CALD1: variants seen among roughly 807,000 people sequenced by gnomAD.
CALD1 encodes the protein caldesmon 1.
A neutral mutation model predicts 99.9 loss-of-function variants in CALD1; 33 were observed. The observed-to-expected ratio is 0.33, with a 90% CI of 0.25 to 0.44. CALD1 has a LOEUF of 0.44. CALD1 is among the 20% of genes least tolerant of loss of function. The pLI is 1.00. For synonymous variants in CALD1, 310 were observed against 325.0 expected, an observed-to-expected ratio of 0.95 and a Z score of 0.50; for missense variants, 861 against 962.1, an observed-to-expected ratio of 0.89 and a Z score of 1.39.
intron 3 of CALD1, among the ~76,000 whole-genome samples, chr7:134,916,535 A>G (rs752758765): frequency 4.9e-4 from 74 of 152,232 alleles, no homozygotes; most frequent in Non-Finnish European, 1.6e-4. Context: ...CACATTAAGC[A>G]GAGCCTGTCT....
In CALD1 at chr7:134,970,390, A is replaced by G. The variant is rs1808963690; in HGVS notation, c.*2045A>G. The G allele has an allele frequency of 1.3e-5, 2 of 152,670 alleles. No homozygotes were observed. The highest frequency in any genetic ancestry group is 4.1e-4 in the South Asian group (2 of 4,832). 9.5% of individuals were successfully genotyped at this position (152,670 alleles called of 1,614,324 possible). On this transcript the variant is annotated 3_prime_UTR_variant, in exon 15 of 15. Transcript: ENST00000361675. ...GACTTTTATTCCAATATTTGGATGG[A>G]GTAAGTTTTAGGGTAGAATTTTGTT...
chr7:134,749,211 A>G (rs997155475), intron 1 of CALD1, among the ~76,000 whole-genome samples: 2 of 152,248 alleles, frequency 1.3e-5, no homozygotes, highest in South Asian at 4.1e-4. Flanking sequence ...ATGAGGCCCA[A>G]TGAATGAAAA....
chr7:134,945,780 A>G (rs969719646), intron 7 of CALD1, among the ~76,000 whole-genome samples: 2 of 152,206 alleles, frequency 1.3e-5, no homozygotes, highest in African/African-American at 4.8e-5. Context: ...AAAATTCACA[A>G]ATTGAAGCCA....
intron 14 of CALD1, among the ~76,000 whole-genome samples, chr7:134,967,282 T>A (rs1486422345): frequency 6.8e-6 from 1 of 148,034 alleles, no homozygotes; most frequent in Non-Finnish European, 1.5e-5. Context: ...TCTACAGTAG[T>A]AATAATATAA....
the CALD1 span, among the ~76,000 whole-genome samples, chr7:134,734,371 T>C: frequency 0.039 from 5,961 of 152,144 alleles, 241 homozygotes; most frequent in East Asian, 0.11. Flanking sequence ...GTTTTTACTA[T>C]GGAAATGCTT....
chr7:134,809,942 T>A (rs1376075479), intron 1 of CALD1, among the ~76,000 whole-genome samples: 2 of 152,152 alleles, frequency 1.3e-5, no homozygotes, highest in African/African-American at 4.8e-5. Context: ...ACCCTTGAGT[T>A]TAAGGGTTTT....
Position 134,933,972 on chromosome 7 carries a change from G to C in CALD1, c.1203G>C (p.Glu401Asp), listed in dbSNP as rs752498924. The C allele has an allele frequency of 6.2e-6, 10 of 1,614,092 alleles. No individual in the cohort carries two copies. Among genetic ancestry groups the C allele is most frequent in the South Asian group, 1.1e-5 (1 of 91,078 alleles). ...AAGAGAAAAAACATGCCATGCAAGA[G>C]ACAAAGATAAAAGGGGAAAAGGTAG... The part of the protein sequence containing the change: ...QLEEKKHAMQ[E>D]TKIKGEKVEQ... The change falls in exon 5 of 15, where the codon GAG becomes GAC. Residue 401 changes from glutamate to aspartate, a missense_variant. Physicochemically the swap from Glu to Asp is conservative, Grantham distance 45. Coordinates refer to ENST00000361675, the MANE Select transcript of CALD1 (RefSeq NM_033138.4).
the CALD1 span, among the ~76,000 whole-genome samples, chr7:134,716,089 G>T: frequency 3.6e-4 from 55 of 152,224 alleles, no homozygotes; most frequent in African/African-American, 1.3e-3. Flanking sequence ...AATATAGTGA[G>T]AATAAAAATA....
At chr7:134,935,525 TCCCA>T in intron 5 of CALD1, among the ~76,000 whole-genome samples, 159 bp from the exon 6 acceptor site, 1 of 152,226 alleles carries the variant, frequency 6.6e-6, no homozygotes, top group South Asian at 2.1e-4. Flanking sequence ...GAAGAAAATA[TCCCA>T]CCTTGCTGTT....
the CALD1 span, among the ~76,000 whole-genome samples, chr7:134,736,337 T>C: frequency 6.6e-6 from 1 of 152,176 alleles, no homozygotes; most frequent in Admixed American, 6.5e-5. Flanking sequence ...AATACTTGCC[T>C]ATGTCTGTAA....
chr7:134,958,346 A>C (rs1385387818), intron 11 of CALD1, 56 bp downstream of exon 11: 15 of 1,331,906 alleles, frequency 1.1e-5, no homozygotes, highest in Admixed American at 1.7e-5. Context: ...TTCTGACTAC[A>C]TAGAAGAGCA....
At chr7:134,895,625 G>A (rs571832893) in intron 3 of CALD1, among the ~76,000 whole-genome samples, 11 of 152,178 alleles carry the variant, frequency 7.2e-5, no homozygotes, top group African/African-American at 2.4e-4. Flanking sequence ...AGAGTAACAG[G>A]ACACCCATTT....
At chr7:134,742,119 A>G (rs1019762258), upstream of CALD1, among the ~76,000 whole-genome samples, 2 of 152,172 alleles carry the variant, frequency 1.3e-5, no homozygotes, top group Non-Finnish European at 1.5e-5. Context: ...GAACTGGAAC[A>G]GTCATTTCCT....
chr7:134,747,747 G>C (rs1796648557), intron 1 of CALD1, among the ~76,000 whole-genome samples: 1 of 152,238 alleles, frequency 6.6e-6, no homozygotes, highest in African/African-American at 2.4e-5. Context: ...GGGCATGGCT[G>C]CCTCTACCTG....
intron 3 of CALD1, among the ~76,000 whole-genome samples, chr7:134,868,644 A>G (rs1364701793): frequency 2.6e-5 from 4 of 152,230 alleles, no homozygotes; most frequent in Non-Finnish European, 5.9e-5. Flanking sequence ...CTGGAAACTT[A>G]CACCTATAAT....
At chr7:134,885,954 G>T (rs564544174) in intron 3 of CALD1, among the ~76,000 whole-genome samples, 2 of 152,106 alleles carry the variant, frequency 1.3e-5, no homozygotes, top group East Asian at 3.9e-4. Flanking sequence ...ACCGTTTATT[G>T]TTTTAAAGAT....
At chr7:134,838,424 G>A (rs1799527770) in intron 1 of CALD1, among the ~76,000 whole-genome samples, 2 of 152,184 alleles carry the variant, frequency 1.3e-5, no homozygotes, top group African/African-American at 4.8e-5. Flanking sequence ...GAAATAATTT[G>A]GGGAAGGTGG....
chr7:134,868,099 T>C (rs1293012617), intron 3 of CALD1: 1 of 186,906 alleles, frequency 5.4e-6, no homozygotes, highest in East Asian at 1.3e-4. Flanking sequence ...AAAAGTAATG[T>C]GTGAATGAAG....
At position 134,970,515 on chromosome 7, in the gene CALD1, T is replaced by C. The variant is rs1808971467; in HGVS notation, c.*2170T>C. On this transcript the variant is annotated 3_prime_UTR_variant, in exon 15 of 15. Transcript: ENST00000361675. The stretch of plus-strand genomic sequence containing the variant: ...AGGTAAAACTGCAAGCTGACTAGCA[T>C]GTTCTGTGAATCTGCCATTCCTAAA... 1 of 152,680 alleles carries C rather than the reference T, an allele frequency of 6.5e-6. No individual in the cohort carries two copies. The highest frequency in any genetic ancestry group is 2.4e-5 in the African/African-American group (1 of 41,470). 9.5% of individuals were successfully genotyped at this position (152,680 alleles called of 1,614,324 possible). A position where few individuals can be genotyped will look rare whatever the true frequency, so the allele number is the denominator to read the frequency against.
Sources: allele counts gnomAD v4.1 joint callset (sites outside exome capture counted in the v4.1 genomes callset), GRCh38; gene constraint gnomAD v4.1.1; transcripts MANE v1.5; gene names NCBI Gene and HGNC (gene_info 2026-07-23, HGNC 2026-07-21).